RANBP17: variants seen among roughly 807,000 people sequenced by gnomAD.
RANBP17 encodes the protein RAN binding protein 17.
Under a neutral mutation model 141.2 loss-of-function variants are expected in RANBP17, and 158 were observed. The observed-to-expected ratio is 1.12, with a 90% CI of 0.98 to 1.28. The LOEUF (loss-of-function observed/expected upper bound fraction) is 1.28, where lower values mean the gene tolerates loss of function less well. RANBP17 is among the 50% of genes most tolerant of loss of function. RANBP17 has a pLI of 0.00. For missense variants in RANBP17, 1,438 were observed against 1,290.7 expected (o/e 1.11, Z -1.75); for synonymous variants, 430 against 450.0 (o/e 0.96, Z 0.56).
intron 14 of RANBP17, among the ~76,000 whole-genome samples, chr5:171,165,872 G>A (rs1759657993): frequency 6.6e-6 from 1 of 152,164 alleles, no homozygotes; most frequent in South Asian, 2.1e-4. Context: ...TATTATTTAA[G>A]CATTAAAACC....
At chr5:171,090,553 A>C (rs1230823765) in intron 14 of RANBP17, among the ~76,000 whole-genome samples, 1 of 152,196 alleles carries the variant, frequency 6.6e-6, no homozygotes, top group Non-Finnish European at 1.5e-5. Context: ...AGAAGTAAGG[A>C]GGAGCCGAAT....
chr5:171,245,876 A>G (rs1049959936), intron 24 of RANBP17, among the ~76,000 whole-genome samples: 2 of 141,794 alleles, frequency 1.4e-5, no homozygotes, highest in Non-Finnish European at 3.1e-5. Flanking sequence ...TTCTTCTCAT[A>G]CTTTTTTTTT....
intron 14 of RANBP17, among the ~76,000 whole-genome samples, chr5:170,994,596 C>G (rs1277869080): frequency 6.6e-6 from 1 of 151,962 alleles, no homozygotes; most frequent in Middle Eastern, 3.4e-3. Context: ...AGATTCTATC[C>G]CAAGAAATGC....
chr5:170,914,481 G>A (rs571981754), intron 8 of RANBP17, among the ~76,000 whole-genome samples: 4 of 152,194 alleles, frequency 2.6e-5, no homozygotes, highest in Non-Finnish European at 5.9e-5. Flanking sequence ...CTCTTGCCCA[G>A]AGCCAGGACA....
At position 170,935,287 on chromosome 5, in the gene RANBP17, G is replaced by A. The variant is rs180684813; in HGVS notation, c.1468+10737G>A. ...TTGGTGAAGTTCGTTATTACTGATC[G>A]TCTGAAGCCTTCTTCTCTCGAATCG... On this transcript the variant is annotated intron_variant, in intron 12 of 27. Transcript: ENST00000523189. Among the ~76,000 whole-genome samples the A allele has an allele frequency of 1.5e-4, 23 of 152,242 alleles. No individual in the cohort carries two copies. In the South Asian group the frequency reaches 2.1e-3, roughly 14 times the overall value.
intron 14 of RANBP17, among the ~76,000 whole-genome samples, chr5:171,119,727 T>C (rs943054058): frequency 6.6e-6 from 1 of 152,114 alleles, no homozygotes; most frequent in Non-Finnish European, 1.5e-5. Flanking sequence ...ATGCTGTGGT[T>C]TTTGCAGATG....
chr5:171,098,417 T>A (rs188961937), intron 14 of RANBP17, among the ~76,000 whole-genome samples: 1 of 152,348 alleles, frequency 6.6e-6, no homozygotes, highest in African/African-American at 2.4e-5. Context: ...ATATATTTGT[T>A]GGCCACATAA....
chr5:171,146,200 G>C (rs1373636123), intron 14 of RANBP17, among the ~76,000 whole-genome samples: 4 of 152,162 alleles, frequency 2.6e-5, no homozygotes, highest in Non-Finnish European at 5.9e-5. Context: ...ATGCGTATAA[G>C]AGTTGAAGGA....
chr5:171,159,518 G>A (rs1056212248), intron 14 of RANBP17, among the ~76,000 whole-genome samples: 2 of 152,106 alleles, frequency 1.3e-5, no homozygotes, highest in African/African-American at 4.8e-5. Flanking sequence ...GCCCCTTTCT[G>A]TTCCCACTGT....
At chr5:171,265,290 C>T (rs1258335716) in intron 24 of RANBP17, among the ~76,000 whole-genome samples, 2 of 152,132 alleles carry the variant, frequency 1.3e-5, no homozygotes, top group Admixed American at 6.5e-5. Context: ...ATCCCAGCAC[C>T]TTGGGAGGCC....
intron 4 of RANBP17, among the ~76,000 whole-genome samples, chr5:170,893,988 G>A (rs1769884723): frequency 6.6e-6 from 1 of 152,066 alleles, no homozygotes. Context: ...GTGCAGTGCT[G>A]GAAACCTCAG....
At chr5:171,163,230 T>C (rs574197631) in intron 14 of RANBP17, among the ~76,000 whole-genome samples, 1 of 152,308 alleles carries the variant, frequency 6.6e-6, no homozygotes, top group Non-Finnish European at 1.5e-5. Context: ...TATGGAAAAA[T>C]TAGTCACCCA....
chr5:170,918,797 A>T lies in RANBP17; in HGVS notation c.1039A>T (p.Met347Leu), dbSNP rs1188122319. 6.2e-7 allele frequency: 1 copy of T among 1,606,068 alleles called. No homozygotes were observed. Among genetic ancestry groups the T allele is most frequent in the African/African-American group, 1.3e-5 (1 of 74,540 alleles). Residue 347 changes from methionine (M) to leucine (L), a missense_variant, in exon 10 of 28, where the codon ATG becomes TTG. By Grantham distance (15) the Met-to-Leu change is conservative. Transcript: ENST00000523189. ...KTNYQLGELVMVKEYPEVIRL... is the reference protein window; with the variant it reads ...KTNYQLGELVLVKEYPEVIRL... ...AAATTATCAGCTGGGAGAATTAGTT[A>T]TGGTGAAGGAATATCCTGAAGTTAT...
At chr5:171,151,149 T>C (rs1021950514) in intron 14 of RANBP17, among the ~76,000 whole-genome samples, 1 of 152,206 alleles carries the variant, frequency 6.6e-6, no homozygotes, top group Admixed American at 6.5e-5. Flanking sequence ...ATGTGATCTG[T>C]GCAAAATAGA....
At chr5:171,129,993 T>A (rs941510610) in intron 14 of RANBP17, among the ~76,000 whole-genome samples, 9 of 152,150 alleles carry the variant, frequency 5.9e-5, no homozygotes, top group Non-Finnish European at 1.2e-4. Flanking sequence ...AATGGACATT[T>A]TGCAAATCTA....
At chr5:171,033,503 A>G (rs951302665) in intron 14 of RANBP17, among the ~76,000 whole-genome samples, 3 of 152,144 alleles carry the variant, frequency 2.0e-5, no homozygotes, top group Admixed American at 1.3e-4. Flanking sequence ...TATGTTGCCT[A>G]TGTTGCCTTT....
intron 14 of RANBP17, among the ~76,000 whole-genome samples, chr5:171,077,282 G>A (rs1330368423): frequency 6.6e-6 from 1 of 152,036 alleles, no homozygotes; most frequent in African/African-American, 2.4e-5. Flanking sequence ...CGAGCTTGAA[G>A]TGAGCCGAGA....
chr5:171,295,895 T>C lies in RANBP17; in HGVS notation c.3051T>C (p.Ser1017=). ...ATTCTGTCTCCCATCAGTATTTCAG[T>C]GAACTGAGAGCAAGTTTGATAAACA... ...GLILLNEKYF[S]ELRASLINSQ... Residue 1017 remains serine (S), a synonymous_variant, in exon 27 of 28, where the codon AGT becomes AGC. Coordinates refer to ENST00000523189, the MANE Select transcript of RANBP17 (RefSeq NM_022897.5). 6.2e-7 allele frequency: 1 copy of C among 1,613,118 alleles called. No homozygotes were observed. Among genetic ancestry groups the C allele is most frequent in the East Asian group, 2.2e-5 (1 of 44,848 alleles).
intron 5 of RANBP17, among the ~76,000 whole-genome samples, chr5:170,905,378 A>G (rs1770993568): frequency 6.6e-6 from 1 of 152,170 alleles, no homozygotes; most frequent in African/African-American, 2.4e-5. Context: ...AGATGTATAT[A>G]TGTAGAAGAG....
Sources: allele counts gnomAD v4.1 joint callset (sites outside exome capture counted in the v4.1 genomes callset), GRCh38; gene constraint gnomAD v4.1.1; transcripts MANE v1.5; gene names NCBI Gene and HGNC (gene_info 2026-07-23, HGNC 2026-07-21).